CEP112: variants seen among roughly 807,000 people sequenced by gnomAD.
CEP112 encodes centrosomal protein 112.
CEP112 carries 127 observed loss-of-function variants against 153.0 expected under a neutral mutation model. That is an observed-to-expected ratio of 0.83 (90% CI 0.72 to 0.96). The LOEUF (loss-of-function observed/expected upper bound fraction) is 0.96. CEP112 is among the 40% of genes least tolerant of loss of function. The probability of loss-of-function intolerance (pLI) is 0.00; values close to 1 mark genes in which losing one functional copy is unlikely to be tolerated. For synonymous variants in CEP112, 358 were observed against 374.4 expected (o/e 0.96, Z 0.51); for missense variants, 1,089 against 1,101.2 (o/e 0.99, Z 0.16).
chr17:65,686,711 G>A lies in CEP112; in HGVS notation c.2697+2418C>T, dbSNP rs961144274. On this transcript the variant is annotated intron_variant, in intron 24 of 26. Coordinates refer to ENST00000535342, the MANE Select transcript of CEP112 (RefSeq NM_001199165.4). ...TCATCTCTTTGACTTGGCACACGATGGGCAAGTGTGCTGTGCTTGTGTTTC... is the reference window on the plus strand; with the variant it reads ...TCATCTCTTTGACTTGGCACACGATAGGCAAGTGTGCTGTGCTTGTGTTTC... 3.9e-5 allele frequency among the ~76,000 whole-genome samples: 6 copies of A among 152,142 alleles called. No homozygotes were observed. In the South Asian group the frequency reaches 8.3e-4, roughly 21 times the overall value.
intron 19 of CEP112, among the ~76,000 whole-genome samples, chr17:65,915,228 C>A (rs2060432725): frequency 1.3e-5 from 2 of 152,174 alleles, no homozygotes; most frequent in Non-Finnish European, 2.9e-5. Context: ...CCACCATCCA[C>A]CTGGTTGCTC....
intron 21 of CEP112, among the ~76,000 whole-genome samples, chr17:65,813,057 G>A (rs1231141572): frequency 6.6e-6 from 1 of 152,160 alleles, no homozygotes; most frequent in Non-Finnish European, 1.5e-5. Flanking sequence ...ATGTATGCAT[G>A]AGTGAGCATT....
intron 21 of CEP112, among the ~76,000 whole-genome samples, chr17:65,841,792 A>G (rs2057527460): frequency 6.6e-6 from 1 of 151,972 alleles, no homozygotes; most frequent in South Asian, 2.1e-4. Flanking sequence ...ATATCAACAT[A>G]AATTTTTTAA....
Position 66,159,255 on chromosome 17 carries a change from G to A in CEP112, c.470+15789C>T, listed in dbSNP as rs186669258. Among the ~76,000 whole-genome samples the A allele has an allele frequency of 3.0e-3, 454 of 152,182 alleles. 2 individuals carry two copies. The highest frequency in any genetic ancestry group is 6.2e-3 in the South Asian group (30 of 4,806). On this transcript the variant is annotated intron_variant, in intron 4 of 26. Transcript: ENST00000535342. Reference sequence around the variant, plus strand: ...CCCAGGTCCAGATGGATTCACAGCCGAATTCTACCATAGGTGCAAAGAGGA... The same window carrying A: ...CCCAGGTCCAGATGGATTCACAGCCAAATTCTACCATAGGTGCAAAGAGGA...
At chr17:66,164,511 C>T (rs553919067) in intron 4 of CEP112, among the ~76,000 whole-genome samples, 9 of 143,566 alleles carry the variant, frequency 6.3e-5, no homozygotes, top group Admixed American at 4.4e-4. Context: ...GAGGGGAGAT[C>T]GCGCCACTGC....
intron 4 of CEP112, among the ~76,000 whole-genome samples, chr17:66,136,824 A>T (rs372542778): frequency 4.6e-5 from 7 of 152,338 alleles, no homozygotes; most frequent in African/African-American, 1.7e-4. Context: ...ACAGAAGTCC[A>T]GAGAAGACAT....
At chr17:65,696,440 T>C (rs2048359915) in intron 23 of CEP112, among the ~76,000 whole-genome samples, 1 of 152,068 alleles carries the variant, frequency 6.6e-6, no homozygotes, top group Admixed American at 6.6e-5. Context: ...ATAAACTGGA[T>C]TGAATCATAT....
chr17:65,667,616 C>G (rs1462996927), intron 24 of CEP112, among the ~76,000 whole-genome samples: 1 of 151,842 alleles, frequency 6.6e-6, no homozygotes, highest in East Asian at 1.9e-4. Flanking sequence ...CTCATAGAGG[C>G]TAAAAATTAG....
At chr17:65,801,083 T>A (rs555042397) in intron 21 of CEP112, among the ~76,000 whole-genome samples, 3 of 152,180 alleles carry the variant, frequency 2.0e-5, no homozygotes, top group Non-Finnish European at 4.4e-5. Flanking sequence ...CTTCTTCATC[T>A]TCTTTTTTTT....
At chr17:65,872,823 T>C (rs956215953) in intron 20 of CEP112, 9 of 152,222 alleles carry the variant, frequency 5.9e-5, no homozygotes, top group African/African-American at 1.9e-4. Context: ...TCTACCCAAT[T>C]TAGCTCACAG....
At chr17:66,103,406 T>A (rs1411796697) in intron 6 of CEP112, among the ~76,000 whole-genome samples, 3 of 151,832 alleles carry the variant, frequency 2.0e-5, no homozygotes, top group Non-Finnish European at 4.4e-5. Flanking sequence ...GGGTACAAGA[T>A]TAGAAAGTAA....
chr17:65,833,879 G>GC (rs1392153394), intron 21 of CEP112, among the ~76,000 whole-genome samples: 1 of 152,022 alleles, frequency 6.6e-6, no homozygotes, highest in Non-Finnish European at 1.5e-5. Context: ...CCAAAACAGA[G>GC]CCTGAATACC....
rs558866805 is a variant in CEP112 at position 65,718,641 on chromosome 17, T to C, written c.2607+24427A>G. Among the ~76,000 whole-genome samples the C allele has an allele frequency of 2.0e-5, 3 of 152,286 alleles. No homozygotes were observed. The South Asian group carries it at 6.2e-4, about 32-fold the overall frequency. ...TTTGTGATCTATTTGTTTATGCTTATTGATAAAATCAAAGGGATTTTTATG... is the reference window on the plus strand; with the variant it reads ...TTTGTGATCTATTTGTTTATGCTTACTGATAAAATCAAAGGGATTTTTATG... On this transcript the variant is annotated intron_variant, in intron 23 of 26. Transcript: ENST00000535342.
chr17:66,113,949 C>G (rs1364992584), intron 6 of CEP112, among the ~76,000 whole-genome samples: 1 of 152,156 alleles, frequency 6.6e-6, no homozygotes, highest in Non-Finnish European at 1.5e-5. Context: ...TTGAAGCAAT[C>G]TGTAAACAGT....
intron 13 of CEP112, 30 bp from the exon 14 acceptor site, chr17:66,029,282 A>G (rs201434733): frequency 6.3e-7 from 1 of 1,589,586 alleles, no homozygotes. Flanking sequence ...ATAGACTTTC[A>G]ATGTATTTAA....
intron 23 of CEP112, among the ~76,000 whole-genome samples, chr17:65,714,473 A>C (rs931044371): frequency 6.6e-6 from 1 of 151,876 alleles, no homozygotes; most frequent in Non-Finnish European, 1.5e-5. Flanking sequence ...CATCTTTAAT[A>C]GTATATATAT....
chr17:65,816,635 C>T (rs1351000553), intron 21 of CEP112, among the ~76,000 whole-genome samples: 1 of 151,932 alleles, frequency 6.6e-6, no homozygotes, highest in African/African-American at 2.4e-5. Context: ...CTCTGCATTC[C>T]TGAGATAAAC....
chr17:66,039,237 G>A (rs191856634), intron 12 of CEP112, among the ~76,000 whole-genome samples: 16 of 152,122 alleles, frequency 1.1e-4, no homozygotes, highest in South Asian at 6.2e-4. Flanking sequence ...TCTTTTCATC[G>A]TACAACATCT....
At chr17:65,959,159 A>T (rs2062106395) in intron 18 of CEP112, among the ~76,000 whole-genome samples, 1 of 151,828 alleles carries the variant, frequency 6.6e-6, no homozygotes, top group African/African-American at 2.4e-5. Flanking sequence ...AGCTGGGGAG[A>T]TGAGAGGAGG....
Sources: gnomAD v4.1 joint callset for allele counts (sites outside exome capture counted in the v4.1 genomes callset) on GRCh38, gnomAD v4.1.1 for gene constraint, MANE v1.5 for transcripts, NCBI Gene and HGNC (gene_info 2026-07-23, HGNC 2026-07-21) for gene names.